Variants in EPB41L5 observed in about 807,000 individuals in gnomAD.
EPB41L5 encodes the protein band 4.1-like protein 5.
EPB41L5 carries 55 observed loss-of-function variants against 106.6 expected under a neutral mutation model. That is an observed-to-expected ratio of 0.52 (90% CI 0.42 to 0.65). The LOEUF (loss-of-function observed/expected upper bound fraction) is 0.65, where lower values mean the gene tolerates loss of function less well. Among genes scored for constraint, EPB41L5 ranks in the 30% least tolerant of loss-of-function variants. The pLI, the probability that EPB41L5 is intolerant of heterozygous loss-of-function variation, is 0.00. For synonymous variants in EPB41L5, 297 were observed against 306.7 expected (o/e 0.97, Z 0.33); for missense variants, 871 against 882.1 (o/e 0.99, Z 0.16).
At chr2:120,150,725 T>C (rs888894798) in intron 20 of EPB41L5, among the ~76,000 whole-genome samples, 2 of 152,182 alleles carry the variant, frequency 1.3e-5, no homozygotes, top group African/African-American at 2.4e-5. Flanking sequence ...TATTGTTGAA[T>C]TGTAGGAGTC....
chr2:120,051,241 C>T (rs1226188703), intron 3 of EPB41L5, among the ~76,000 whole-genome samples: 1 of 152,218 alleles, frequency 6.6e-6, no homozygotes. Context: ...CGGCTATGCC[C>T]TGCCCCCAGA....
intron 16 of EPB41L5, among the ~76,000 whole-genome samples, chr2:120,111,660 A>G (rs759186056): frequency 2.0e-5 from 3 of 151,906 alleles, no homozygotes; most frequent in Non-Finnish European, 4.4e-5. Flanking sequence ...TACTGCTCCC[A>G]TCCTGTTTCC....
chr2:120,084,946 G>A (rs1053295499), intron 10 of EPB41L5, among the ~76,000 whole-genome samples: 3 of 152,190 alleles, frequency 2.0e-5, no homozygotes, highest in East Asian at 1.9e-4. Context: ...CATGCATCAC[G>A]TCGTTCTCAT....
chr2:120,143,068 C>A lies in EPB41L5; in HGVS notation c.1665C>A (p.Val555=). Residue 555 remains valine, a synonymous_variant, in exon 19 of 25, where the codon GTC becomes GTA. Coordinates refer to ENST00000263713, the MANE Select transcript of EPB41L5 (RefSeq NM_020909.4). ...TCATTGAGAGCCCAGGATTGAATGTCATGAGAGTTCCTCCTGACTTCAAGA... is the reference window on the plus strand; with the variant it reads ...TCATTGAGAGCCCAGGATTGAATGTAATGAGAGTTCCTCCTGACTTCAAGA... ...NNVIESPGLN[V]MRVPPDFKSN... 1 of 1,611,870 alleles carries A rather than the reference C, an allele frequency of 6.2e-7. No homozygotes were observed. The highest frequency in any genetic ancestry group is 8.5e-7 in the Non-Finnish European group (1 of 1,179,070).
At chr2:120,076,233 AT>A (rs1230040001) in intron 7 of EPB41L5, among the ~76,000 whole-genome samples, 2 of 152,032 alleles carry the variant, frequency 1.3e-5, no homozygotes, top group African/African-American at 2.4e-5. Flanking sequence ...AGGATTAATA[AT>A]TTTAAAATTT....
intron 3 of EPB41L5, among the ~76,000 whole-genome samples, chr2:120,060,076 T>G (rs1680931406): frequency 6.6e-6 from 1 of 152,232 alleles, no homozygotes; most frequent in African/African-American, 2.4e-5. Context: ...ACTACACATC[T>G]ATCAAAACAG....
intron 16 of EPB41L5, among the ~76,000 whole-genome samples, chr2:120,115,151 T>G (rs1027347390): frequency 7.9e-5 from 12 of 152,336 alleles, no homozygotes; most frequent in Non-Finnish European, 1.3e-4. Flanking sequence ...TGTGTTAGAA[T>G]CTGAAGTGTA....
rs543139470 is a variant in EPB41L5, at chr2:120,050,795, A to G, written c.285+8685A>G. Among the ~76,000 whole-genome samples the G allele has an allele frequency of 2.6e-5, 4 of 152,074 alleles. No individual in the cohort carries two copies. In the East Asian group the frequency reaches 7.7e-4, roughly 29 times the overall value. On this transcript the variant is annotated intron_variant, in intron 3 of 24. Coordinates refer to ENST00000263713, the MANE Select transcript of EPB41L5 (RefSeq NM_020909.4). The stretch of plus-strand genomic sequence containing the variant: ...TCTCCCTATCTTTGTGGTTTTATCT[A>G]CCTTTGGTCTTTGATGATGGTGACA...
At position 120,176,964 on chromosome 2, in the gene EPB41L5, A is replaced by C. The variant is rs1183059699; in HGVS notation, c.*2057A>C. On this transcript the variant is annotated 3_prime_UTR_variant, in exon 25 of 25. Transcript: ENST00000263713. ...GAATATTGGTAGGGACTTTGTTAAA[A>C]TTCACTTGAATTTCAAGCTCAGAGG... The C allele has an allele frequency of 1.3e-5, 2 of 152,216 alleles. No homozygotes were observed. The highest frequency in any genetic ancestry group is 2.9e-5 in the Non-Finnish European group (2 of 68,052). 9.4% of individuals were successfully genotyped at this position (152,216 alleles called of 1,614,324 possible). A position where few individuals can be genotyped will look rare whatever the true frequency, so the allele number is the denominator to read the frequency against.
At chr2:120,051,419 T>C (rs1363523616) in intron 3 of EPB41L5, among the ~76,000 whole-genome samples, 3 of 152,132 alleles carry the variant, frequency 2.0e-5, no homozygotes, top group African/African-American at 7.2e-5. Context: ...GTGCTAGCAA[T>C]GAGTGAGGAT....
rs1558903180 is a variant in EPB41L5, at chr2:120,142,985, TA to T, written c.1600-17del. 6.2e-7 allele frequency: 1 copy of T among 1,604,882 alleles called. No individual in the cohort carries two copies. The highest frequency in any genetic ancestry group is 1.7e-5 in the Admixed American group (1 of 59,724). On this transcript the variant is annotated splice_polypyrimidine_tract_variant and intron_variant, in intron 18 of 24. Transcript: ENST00000263713. ...TAGTGCATCAGAGTTGATTATAGTA[TA>T]TTTTTAAAATATCTAGGAGGAAGTG...
chr2:120,096,510 C>A (rs1271949780), intron 14 of EPB41L5, among the ~76,000 whole-genome samples: 1 of 152,156 alleles, frequency 6.6e-6, no homozygotes, highest in Non-Finnish European at 1.5e-5. Flanking sequence ...AGAGTAATGG[C>A]TGGGAGCAGT....
In EPB41L5 at chr2:120,131,818, C is replaced by A. The variant is rs907251221; in HGVS notation, c.1599+103C>A. 5 of 820,162 alleles carry A rather than the reference C, an allele frequency of 6.1e-6. No individual in the cohort carries two copies. In the Admixed American group the frequency reaches 1.1e-4, roughly 19 times the overall value. The allele number at this position is 820,162 out of a possible 1,614,324, so 50.8% of individuals were successfully genotyped here. On this transcript the variant is annotated intron_variant, in intron 18 of 24. Transcript: ENST00000263713. Reference sequence around the variant, plus strand: ...TTTCTTTTTTCTTTAGCTGGGAAATCTGTCTGTGCTGAGTTCTTATAAACC... The same window carrying A: ...TTTCTTTTTTCTTTAGCTGGGAAATATGTCTGTGCTGAGTTCTTATAAACC...
intron 16 of EPB41L5, among the ~76,000 whole-genome samples, chr2:120,123,143 A>G (rs1685303944): frequency 6.6e-6 from 1 of 151,930 alleles, no homozygotes. Context: ...ATTGCAGACA[A>G]AGTTTTGTTT....
At chr2:120,094,445 T>G (rs1683614889) in intron 14 of EPB41L5, among the ~76,000 whole-genome samples, 2 of 150,204 alleles carry the variant, frequency 1.3e-5, no homozygotes, top group South Asian at 4.2e-4. Flanking sequence ...CCTCCTTCCT[T>G]TCTGATTTTT....
chr2:120,103,932 C>G (rs1684295231), intron 16 of EPB41L5: 1 of 1,040,046 alleles, frequency 9.6e-7, no homozygotes. Flanking sequence ...GGAGTAGATG[C>G]TGGTAACTAC....
intron 7 of EPB41L5, among the ~76,000 whole-genome samples, chr2:120,076,374 A>G (rs1427245383): frequency 6.8e-6 from 1 of 146,288 alleles, no homozygotes; most frequent in Non-Finnish European, 1.5e-5. Context: ...CAGTTGCATG[A>G]TTGTAGCTCT....
In EPB41L5 at chr2:120,165,656, A is replaced by G. The variant is rs1329922598; in HGVS notation, c.1962+746A>G. ...CCAACTGAAACAGTTCCTTCCCTCC[A>G]GGGATGAGAGAGATAGAAATGACTA... is the stretch of plus-strand genomic sequence containing the variant. On this transcript the variant is annotated intron_variant, in intron 22 of 24. Transcript: ENST00000263713. Among the ~76,000 whole-genome samples the G allele has an allele frequency of 7.2e-5, 11 of 152,286 alleles. No individual in the cohort carries two copies. In the East Asian group the frequency reaches 2.1e-3, roughly 29 times the overall value.
At chr2:120,043,791 A>G (rs1000875750) in intron 3 of EPB41L5, among the ~76,000 whole-genome samples, 1 of 152,136 alleles carries the variant, frequency 6.6e-6, no homozygotes, top group Admixed American at 6.5e-5. Flanking sequence ...GCTAATTGAT[A>G]TGGAGTGGTA....
Sources: allele counts gnomAD v4.1 joint callset (sites outside exome capture counted in the v4.1 genomes callset), GRCh38; gene constraint gnomAD v4.1.1; transcripts MANE v1.5; gene names NCBI Gene and HGNC (gene_info 2026-07-23, HGNC 2026-07-21).